The following S100A11 variants were observed in gnomAD, a reference collection of about 807,000 sequenced individuals.
The protein encoded by S100A11 is protein S100-A11.
A neutral mutation model predicts 7.4 loss-of-function variants in S100A11; 5 were observed. That is an observed-to-expected ratio of 0.68 (90% confidence interval 0.35 to 1.42). The LOEUF (loss-of-function observed/expected upper bound fraction) is 1.42, where lower values mean the gene tolerates loss of function less well. S100A11 is among the 40% of genes most tolerant of loss of function. The probability of loss-of-function intolerance (pLI) is 0.04; values close to 1 mark genes in which losing one functional copy is unlikely to be tolerated. For synonymous variants in S100A11, 47 were observed against 46.6 expected (o/e 1.01, Z -0.04); for missense variants, 96 against 125.0 (o/e 0.77, Z 1.11).
chr1:152,036,571 G>C (rs984198956), intron 1 of S100A11, among the ~76,000 whole-genome samples: 6 of 152,152 alleles, frequency 3.9e-5, no homozygotes, highest in African/African-American at 1.4e-4. Flanking sequence ...CTGGGCTCCC[G>C]GGAGACCGCG....
intron 1 of S100A11, among the ~76,000 whole-genome samples, chr1:152,035,139 C>T (rs1656808800): frequency 6.6e-6 from 1 of 152,154 alleles, no homozygotes; most frequent in Non-Finnish European, 1.5e-5. Context: ...TTGAACTTTT[C>T]ATTAAGAAAA....
In S100A11 at chr1:152,032,566, T is replaced by C; in HGVS notation, c.*96A>G. 9.6e-7 allele frequency: 1 copy of C among 1,044,568 alleles called. No individual in the cohort carries two copies. Among genetic ancestry groups the C allele is most frequent in the Non-Finnish European group, 1.4e-6 (1 of 720,788 alleles). 64.7% of individuals were successfully genotyped at this position (1,044,568 alleles called of 1,614,324 possible). Reference sequence around the variant, plus strand: ...ATTGGCAGGTGGGGCCTGCATGAGGTGGTTAGTGTGCTCAGGGGATGGGTG... The same window carrying C: ...ATTGGCAGGTGGGGCCTGCATGAGGCGGTTAGTGTGCTCAGGGGATGGGTG... On this transcript the variant is annotated 3_prime_UTR_variant, in exon 3 of 3. Transcript: ENST00000271638.
chr1:152,032,707 G>T lies in S100A11; in HGVS notation c.273C>A (p.Cys91Ter). The change falls in exon 3 of 3, where the codon TGC becomes TGA. Residue 91 changes from cysteine to a stop codon, truncating the protein, a stop_gained. Coordinates refer to ENST00000271638, the MANE Select transcript of S100A11 (RefSeq NM_005620.2). LOFTEE classifies it low-confidence loss of function (END_TRUNC). The stretch of plus-strand genomic sequence containing the variant: ...GGACAGCCTTGAGGAAGGAGTCATG[G>T]CAAGCCATAGCTAGGCCACCAATCA... Reference protein sequence around the residue: ...LNLIGGLAMACHDSFLKAVPS... With the variant: ...LNLIGGLAMA The T allele has an allele frequency of 1.9e-6, 3 of 1,613,950 alleles. No individual in the cohort carries two copies. The South Asian group carries it at 3.3e-5, about 18-fold the overall frequency.
chr1:152,035,761 G>GA (rs1343924867), intron 1 of S100A11, among the ~76,000 whole-genome samples: 1 of 152,228 alleles, frequency 6.6e-6, no homozygotes, highest in African/African-American at 2.4e-5. Context: ...ACTTGGTGGG[G>GA]ATGGCGATAG....
Position 152,033,935 on chromosome 1 carries a change from G to A in S100A11, c.4-135C>T. 1.4e-6 allele frequency: 1 copy of A among 734,644 alleles called. No individual in the cohort carries two copies. Among genetic ancestry groups the A allele is most frequent in the Non-Finnish European group, 2.3e-6 (1 of 437,576 alleles). 45.5% of individuals were successfully genotyped at this position (734,644 alleles called of 1,614,324 possible). On this transcript the variant is annotated intron_variant, in intron 1 of 2. Coordinates refer to ENST00000271638, the MANE Select transcript of S100A11 (RefSeq NM_005620.2). This position sits in a 1 kb window ranked among gnomAD's most constrained non-coding sequence, Gnocchi z 4.0. The stretch of plus-strand genomic sequence containing the variant: ...TGAGTCATTTTTTCAAGGGGCTGAG[G>A]GGTTCAAGACAACCACAAAAAGTCA...
chr1:152,036,476 A>G (rs1052523183), intron 1 of S100A11, among the ~76,000 whole-genome samples: 7 of 152,134 alleles, frequency 4.6e-5, no homozygotes, highest in African/African-American at 1.4e-4. Context: ...CAAGTTCTAA[A>G]ATGTCCCTTT....
intron 1 of S100A11, among the ~76,000 whole-genome samples, chr1:152,035,963 A>G (rs1656822886): frequency 2.6e-5 from 4 of 152,206 alleles, no homozygotes; most frequent in Admixed American, 2.6e-4. Context: ...CAGGACTGCA[A>G]CCCCAGACAG....
rs115812097 is a variant in S100A11, at chr1:152,033,988, C to T, written c.4-188G>A. ...CTCTGTGACCTTCCGTCCTACCCCT[C>T]GCCACATGTTTATTCCAGGTGAAAT... is the stretch of plus-strand genomic sequence containing the variant. On this transcript the variant is annotated intron_variant, in intron 1 of 2. Coordinates refer to ENST00000271638, the MANE Select transcript of S100A11 (RefSeq NM_005620.2). The surrounding 1 kb of genome is among the most constrained non-coding windows in gnomAD (Gnocchi z 4.0). Among the ~76,000 whole-genome samples the T allele has an allele frequency of 3.5e-3, 536 of 152,276 alleles. 2 individuals are homozygous for T. The highest frequency in any genetic ancestry group is 0.012 in the African/African-American group (491 of 41,538).
chr1:152,034,844 T>C (rs779132454), intron 1 of S100A11, among the ~76,000 whole-genome samples: 5 of 152,234 alleles, frequency 3.3e-5, no homozygotes, highest in Admixed American at 2.0e-4. Flanking sequence ...CATTTGCAAC[T>C]TAGCATTTAG....
Position 152,033,993 on chromosome 1 carries a change from C to T in S100A11, c.4-193G>A, listed in dbSNP as rs574065471. Among the ~76,000 whole-genome samples, 1 of 152,320 alleles carries T rather than the reference C, an allele frequency of 6.6e-6. No homozygotes were observed. Among genetic ancestry groups the T allele is most frequent in the South Asian group, 2.1e-4 (1 of 4,832 alleles). On this transcript the variant is annotated intron_variant, in intron 1 of 2. Transcript: ENST00000271638. The surrounding 1 kb of genome is among the most constrained non-coding windows in gnomAD (Gnocchi z 4.0). ...TGACCTTCCGTCCTACCCCTCGCCA[C>T]ATGTTTATTCCAGGTGAAATATATG...
chr1:152,034,856 CTT>C (rs1656804002), intron 1 of S100A11, among the ~76,000 whole-genome samples: 1 of 152,180 alleles, frequency 6.6e-6, no homozygotes, highest in Non-Finnish European at 1.5e-5. Flanking sequence ...AGCATTTAGC[CTT>C]TCGTTTGTTC....
At chr1:152,034,506 G>T (rs1271281750) in intron 1 of S100A11, among the ~76,000 whole-genome samples, 3 of 152,260 alleles carry the variant, frequency 2.0e-5, no homozygotes, top group Non-Finnish European at 4.4e-5. Flanking sequence ...TTCCTGGTGG[G>T]AAATAGTGAC....
At chr1:152,034,861 G>C (rs968080923) in intron 1 of S100A11, among the ~76,000 whole-genome samples, 2 of 152,168 alleles carry the variant, frequency 1.3e-5, no homozygotes, top group South Asian at 4.1e-4. Flanking sequence ...TTAGCCTTTC[G>C]TTTGTTCTTA....
chr1:152,032,567 G>T lies in S100A11; in HGVS notation c.*95C>A. 9.1e-7 allele frequency: 1 copy of T among 1,099,620 alleles called. No homozygotes were observed. The highest frequency in any genetic ancestry group is 2.4e-5 in the East Asian group (1 of 41,892). The allele number at this position is 1,099,620 out of a possible 1,614,324, so 68.1% of individuals were successfully genotyped here. ...TTGGCAGGTGGGGCCTGCATGAGGT[G>T]GTTAGTGTGCTCAGGGGATGGGTGG... On this transcript the variant is annotated 3_prime_UTR_variant, in exon 3 of 3. Transcript: ENST00000271638.
rs369456803 is a variant in S100A11 at position 152,032,733 on chromosome 1, G to T, written c.247C>A (p.Leu83Met). The change falls in exon 3 of 3, where the codon CTG (leucine) becomes ATG (methionine). Residue 83 changes from leucine (L) to methionine (M), a missense_variant. Leu to Met is a conservative substitution (Grantham distance 15). Coordinates refer to ENST00000271638, the MANE Select transcript of S100A11 (RefSeq NM_005620.2). ...GQLDFSEFLN[L>M]IGGLAMACHD... is the part of the protein sequence containing the mutation. ...CAAGCCATAGCTAGGCCACCAATCAGATTAAGAAATTCTGAGAAATCTAGC... is the reference window on the plus strand; with the variant it reads ...CAAGCCATAGCTAGGCCACCAATCATATTAAGAAATTCTGAGAAATCTAGC... 1.2e-5 allele frequency: 19 copies of T among 1,614,050 alleles called. No individual in the cohort carries two copies. The African/African-American group carries it at 2.5e-4, about 22-fold the overall frequency.
At chr1:152,036,432 A>T (rs1176374029) in intron 1 of S100A11, among the ~76,000 whole-genome samples, 1 of 152,168 alleles carries the variant, frequency 6.6e-6, no homozygotes, top group Non-Finnish European at 1.5e-5. Flanking sequence ...CCGGGTGCTT[A>T]CTGAAACTTT....
chr1:152,033,949 C>A lies in S100A11; in HGVS notation c.4-149G>T. 1.5e-6 allele frequency: 1 copy of A among 653,038 alleles called. No individual in the cohort carries two copies. The highest frequency in any genetic ancestry group is 2.7e-6 in the Non-Finnish European group (1 of 374,942). The allele number at this position is 653,038 out of a possible 1,614,324, so 40.5% of individuals were successfully genotyped here. On this transcript the variant is annotated intron_variant, in intron 1 of 2. Transcript: ENST00000271638. This position sits in a 1 kb window ranked among gnomAD's most constrained non-coding sequence, Gnocchi z 4.0. ...AAGGGGCTGAGGGGTTCAAGACAAC[C>A]ACAAAAAGTCACACTCTGTGACCTT...
rs1656778164 is a variant in S100A11 at position 152,033,558 on chromosome 1, G to A, written c.156+90C>T. 1 of 1,258,014 alleles carries A rather than the reference G, an allele frequency of 7.9e-7. No individual in the cohort carries two copies. The allele number at this position is 1,258,014 out of a possible 1,614,324, so 77.9% of individuals were successfully genotyped here. A position where few individuals can be genotyped will look rare whatever the true frequency, so the allele number is the denominator to read the frequency against. ...AATGAAGCAAGAGTGTGGGGTGTCA[G>A]TTGCTGCTCCTTCATTCCTGGCCAT... On this transcript the variant is annotated intron_variant, in intron 2 of 2. Transcript: ENST00000271638. The surrounding 1 kb of genome is among the most constrained non-coding windows in gnomAD (Gnocchi z 4.0).
rs1314711938 is a variant in S100A11, at chr1:152,036,976, C to A, written c.-61G>T. 9.9e-6 allele frequency: 16 copies of A among 1,611,394 alleles called. 1 individual carries two copies. The South Asian group carries it at 1.8e-4, about 18-fold the overall frequency. ...GGAGCGGCGCTGAGAGCTCTGTGCG[C>A]GCGGCGTGCGGGTCTGGAGCCTCTC... On this transcript the variant is annotated 5_prime_UTR_variant, in exon 1 of 3. Transcript: ENST00000271638.
Sources: allele counts gnomAD v4.1 joint callset (sites outside exome capture counted in the v4.1 genomes callset), GRCh38; gene constraint gnomAD v4.1.1; non-coding constraint Gnocchi (gnomAD v3.1); transcripts MANE v1.5; gene names NCBI Gene and HGNC (gene_info 2026-07-23, HGNC 2026-07-21).